CMIP: variants seen among roughly 807,000 people sequenced by gnomAD.
The protein encoded by CMIP is c-Maf inducing protein.
In CMIP, 13 loss-of-function variants were observed where a neutral mutation model predicts 97.3. That is an observed-to-expected ratio of 0.13 (90% confidence interval 0.09 to 0.21). The LOEUF is 0.21. Ranked by LOEUF, CMIP falls within the 10% of genes least tolerant of loss-of-function variation. The pLI, the probability that CMIP is intolerant of heterozygous loss-of-function variation, is 1.00. For missense variants in CMIP, 847 were observed against 1,024.9 expected (o/e 0.83, Z 2.37); for synonymous variants, 538 against 436.3 (o/e 1.23, Z -2.91).
intron 1 of CMIP, among the ~76,000 whole-genome samples, chr16:81,541,872 C>T (rs993050287): frequency 3.9e-5 from 6 of 152,184 alleles, no homozygotes; most frequent in African/African-American, 1.2e-4. Context: ...ATCTCTACTA[C>T]AAAAGATGGA....
chr16:81,691,458 C>A (rs193283466), intron 10 of CMIP, among the ~76,000 whole-genome samples: 1 of 152,254 alleles, frequency 6.6e-6, no homozygotes, highest in East Asian at 1.9e-4. Flanking sequence ...CCTAAAACAC[C>A]CCCTAATGGT....
At chr16:81,667,340 T>G (rs2092614964) in intron 7 of CMIP, 1 of 152,268 alleles carries the variant, frequency 6.6e-6, no homozygotes, top group Admixed American at 6.5e-5. Context: ...AACTGCGTTC[T>G]GAAGAATGAC....
intron 1 of CMIP, among the ~76,000 whole-genome samples, chr16:81,548,657 A>G (rs2090595475): frequency 6.6e-6 from 1 of 151,090 alleles, no homozygotes; most frequent in Non-Finnish European, 1.5e-5. Flanking sequence ...CCTCAGCAAC[A>G]TAGGGAGACC....
chr16:81,470,326 CCTT>C (rs753493363), intron 1 of CMIP, among the ~76,000 whole-genome samples: 3 of 152,234 alleles, frequency 2.0e-5, no homozygotes, highest in Non-Finnish European at 2.9e-5. Context: ...GGGTCCAGAG[CCTT>C]CTTTGCACGT....
At chr16:81,560,261 C>T (rs973692292) in intron 1 of CMIP, among the ~76,000 whole-genome samples, 1 of 150,908 alleles carries the variant, frequency 6.6e-6, no homozygotes, top group Non-Finnish European at 1.5e-5. Context: ...CTCCGTCGCC[C>T]AGGCTGGAGT....
At chr16:81,446,896 ATTTG>A (rs1905883085) in intron 1 of CMIP, among the ~76,000 whole-genome samples, 1 of 131,982 alleles carries the variant, frequency 7.6e-6, no homozygotes, top group Non-Finnish European at 1.5e-5. Context: ...TTTATTCTTA[ATTTG>A]GGGTCCGACA....
chr16:81,606,545 A>C (rs6564899), intron 1 of CMIP, among the ~76,000 whole-genome samples: 93,422 of 151,926 alleles, frequency 0.61, 29,143 homozygotes, highest in East Asian at 0.8. Context: ...CTGTGGATTT[A>C]TCTTGCCCCG....
At chr16:81,644,904 C>A (rs1396125768) in intron 3 of CMIP, among the ~76,000 whole-genome samples, 5 of 152,224 alleles carry the variant, frequency 3.3e-5, no homozygotes, top group Non-Finnish European at 5.9e-5. Context: ...CAGTGCCACA[C>A]ACATACTAGA....
rs556635907 is a variant in CMIP at position 81,678,110 on chromosome 16, G to A, written c.1035-165G>A. On this transcript the variant is annotated intron_variant, in intron 9 of 20. Coordinates refer to ENST00000537098, the MANE Select transcript of CMIP (RefSeq NM_198390.3). ...TTCCTGTCTAGACCTTGGGCAAGCC[G>A]TGCACCCAGGCTGAGCCTCAGTTTC... 3.9e-5 allele frequency among the ~76,000 whole-genome samples: 6 copies of A among 152,318 alleles called. No individual in the cohort carries two copies. The South Asian group carries it at 8.3e-4, about 21-fold the overall frequency.
At chr16:81,600,452 A>C (rs2091639791) in intron 1 of CMIP, among the ~76,000 whole-genome samples, 1 of 152,138 alleles carries the variant, frequency 6.6e-6, no homozygotes, top group African/African-American at 2.4e-5. Flanking sequence ...AGCACAGATA[A>C]ACCTCAAAAA....
chr16:81,503,730 T>A (rs941341795), intron 1 of CMIP, among the ~76,000 whole-genome samples: 4 of 152,226 alleles, frequency 2.6e-5, no homozygotes, highest in Non-Finnish European at 1.5e-5. Context: ...CTGGTCACCT[T>A]ATCTCACTGT....
intron 1 of CMIP, chr16:81,519,061 C>T (rs1196350074): frequency 6.6e-6 from 1 of 152,218 alleles, no homozygotes. Context: ...TCTTGTACTC[C>T]TGACCTTGTG....
chr16:81,490,814 A>G (rs2089393505), intron 1 of CMIP, among the ~76,000 whole-genome samples: 1 of 151,934 alleles, frequency 6.6e-6, no homozygotes, highest in African/African-American at 2.4e-5. Flanking sequence ...AGACAAGGAG[A>G]GCAAATGCAC....
chr16:81,546,304 G>C (rs940361738), intron 1 of CMIP, among the ~76,000 whole-genome samples: 1 of 152,182 alleles, frequency 6.6e-6, no homozygotes, highest in Non-Finnish European at 1.5e-5. Context: ...GGAGAAGGAT[G>C]CCTTGTTCGC....
rs112298801 is a variant in CMIP at position 81,456,148 on chromosome 16, C to T, written c.300+10607C>T. Among the ~76,000 whole-genome samples, 4 of 152,316 alleles carry T rather than the reference C, an allele frequency of 2.6e-5. No homozygotes were observed. The East Asian group carries it at 7.7e-4, about 29-fold the overall frequency. On this transcript the variant is annotated intron_variant, in intron 1 of 20. Transcript: ENST00000537098. ...AATGGAAGAGCTCGAACTGTCCCAG[C>T]AGGCTGGTGGCAACTGAGCTCGGGG...
chr16:81,527,658 T>A (rs2090158211), intron 1 of CMIP, among the ~76,000 whole-genome samples: 1 of 152,158 alleles, frequency 6.6e-6, no homozygotes, highest in South Asian at 2.1e-4. Flanking sequence ...GTTTATTTAG[T>A]TTTTTTAGAA....
At chr16:81,657,842 TC>T in intron 5 of CMIP, 26 bp downstream of exon 5, 1 of 1,581,940 alleles carries the variant, frequency 6.3e-7, no homozygotes, top group Non-Finnish European at 8.6e-7. Flanking sequence ...ACACGCTCCC[TC>T]CACCCACCTC....
At position 81,657,740 on chromosome 16, in the gene CMIP, T is replaced by C. The variant is rs190656939; in HGVS notation, c.640-35T>C. ...TCGTTTTCTTAATTTTCTTTTGTTT[T>C]GTTTTCCTCCTGCTGTCTCCATTCA... On this transcript the variant is annotated intron_variant, in intron 4 of 20. Transcript: ENST00000537098. 4.9e-4 allele frequency: 758 copies of C among 1,546,334 alleles called. No individual in the cohort carries two copies. The African/African-American group carries it at 1.0e-2, about 20-fold the overall frequency.
intron 1 of CMIP, among the ~76,000 whole-genome samples, chr16:81,605,489 A>G (rs920998188): frequency 1.3e-5 from 2 of 152,180 alleles, no homozygotes; most frequent in African/African-American, 4.8e-5. Context: ...ATCCCTGTGA[A>G]CCTTGGCTAA....
Sources: gnomAD v4.1 joint callset for allele counts (sites outside exome capture counted in the v4.1 genomes callset) on GRCh38, gnomAD v4.1.1 for gene constraint, MANE v1.5 for transcripts, NCBI Gene and HGNC (gene_info 2026-07-23, HGNC 2026-07-21) for gene names.